The following CACNA1B variants were observed in gnomAD, a reference collection of about 807,000 sequenced individuals.
CACNA1B encodes calcium voltage-gated channel subunit alpha1 B.
CACNA1B carries 70 observed loss-of-function variants against 247.2 expected under a neutral mutation model. The observed-to-expected ratio is 0.28, with a 90% CI of 0.23 to 0.35. The LOEUF is 0.35. CACNA1B is among the 10% of genes least tolerant of loss of function. CACNA1B has a pLI of 1.00. For synonymous variants in CACNA1B, 1,231 were observed against 1,294.4 expected, an observed-to-expected ratio of 0.95 and a Z score of 1.05; for missense variants, 2,367 against 3,197.4, an observed-to-expected ratio of 0.74 and a Z score of 6.26.
At chr9:137,978,528 C>T (rs1447189723) in intron 12 of CACNA1B, among the ~76,000 whole-genome samples, 1 of 152,094 alleles carries the variant, frequency 6.6e-6, no homozygotes, top group Non-Finnish European at 1.5e-5. Flanking sequence ...GCACTGCCTC[C>T]TCAGGAAGGA....
Position 137,957,601 on chromosome 9 carries a change from T to C in CACNA1B, c.1247T>C (p.Leu416Pro). The part of the protein sequence containing the change: ...NAEEKSPLDV[L>P]KRAATKKSRN... ...TCCCATCCTTTGTTTAAAGCAGTGC[T>C]GAAGAGAGCGGCCACCAAGAAGAGC... Residue 416 changes from leucine (L) to proline (P), a missense_variant, in exon 10 of 47, where the codon CTG (leucine) becomes CCG (proline). Coordinates refer to ENST00000371372, the MANE Select transcript of CACNA1B (RefSeq NM_000718.4). The surrounding 1 kb of genome is among the most constrained non-coding windows in gnomAD (Gnocchi z 4.7). 6.3e-7 allele frequency: 1 copy of C among 1,590,218 alleles called. No individual in the cohort carries two copies. Among genetic ancestry groups the C allele is most frequent in the Non-Finnish European group, 8.6e-7 (1 of 1,168,758 alleles).
In CACNA1B at chr9:138,120,364, T is replaced by C. The variant is rs201487636; in HGVS notation, c.6230T>C (p.Met2077Thr). 1.6e-5 allele frequency: 25 copies of C among 1,552,156 alleles called. 1 individual carries two copies. The South Asian group carries it at 2.7e-4, about 17-fold the overall frequency. ...LEKGPSLSAD[M>T]DGAPSSAVGP... ...AAGGGGCCCAGCCTGTCTGCCGATA[T>C]GGATGGCGGTGCGTGCGGAGGGGCC... is the stretch of plus-strand genomic sequence containing the variant. The change falls in exon 45 of 47, where the codon ATG becomes ACG. Residue 2077 changes from methionine (M) to threonine (T), a missense_variant. This residue lies in a region of CACNA1B where 773 missense variants were observed against 779.4 expected (regional missense o/e 0.99). Coordinates refer to ENST00000371372, the MANE Select transcript of CACNA1B (RefSeq NM_000718.4).
chr9:137,938,860 G>A (rs1389836133), intron 6 of CACNA1B, among the ~76,000 whole-genome samples: 3 of 152,146 alleles, frequency 2.0e-5, no homozygotes, highest in African/African-American at 7.2e-5. Flanking sequence ...ATCACCTGAG[G>A]TCAGGAGCTT....
chr9:137,974,135 C>T lies in CACNA1B; in HGVS notation c.1544-1772C>T, dbSNP rs748003686. Among the ~76,000 whole-genome samples, 2 of 152,162 alleles carry T rather than the reference C, an allele frequency of 1.3e-5. No homozygotes were observed. The highest frequency in any genetic ancestry group is 1.5e-5 in the Non-Finnish European group (1 of 68,028). ...CTGCTTGTGTATTCCCCTGGGCTTG[C>T]TGGGGTGCTCTGCACTGGACTGCAG... On this transcript the variant is annotated intron_variant, in intron 11 of 46. Transcript: ENST00000371372. This position sits in a 1 kb window ranked among gnomAD's most constrained non-coding sequence, Gnocchi z 4.5.
Position 137,880,864 on chromosome 9 carries a change from C to G in CACNA1B, c.390+1705C>G, listed in dbSNP as rs575595005. ...TCTCCCAGCCTGGCCCTGGGCGAGG[C>G]CTCCCTGGTTCCCTGCCTCTCGGGG... On this transcript the variant is annotated intron_variant, in intron 2 of 46. Transcript: ENST00000371372. This position sits in a 1 kb window ranked among gnomAD's most constrained non-coding sequence, Gnocchi z 4.8. 2.6e-5 allele frequency among the ~76,000 whole-genome samples: 4 copies of G among 152,264 alleles called. No individual in the cohort carries two copies. The highest frequency in any genetic ancestry group is 5.9e-5 in the Non-Finnish European group (4 of 67,996).
At chr9:138,038,299 C>G (rs528559461) in intron 20 of CACNA1B, among the ~76,000 whole-genome samples, 1 of 152,288 alleles carries the variant, frequency 6.6e-6, no homozygotes, top group South Asian at 2.1e-4. Context: ...TGACAGTTAT[C>G]TGGTTTTCGT....
chr9:138,043,690 G>A (rs2133472366), intron 20 of CACNA1B, 84 bp from the exon 21 acceptor site: 1 of 1,524,956 alleles, frequency 6.6e-7, no homozygotes, highest in Non-Finnish European at 9.0e-7. Flanking sequence ...GCAAGTGCCG[G>A]GGGCATGGGA....
intron 16 of CACNA1B, 45 bp from the exon 17 acceptor site, chr9:138,009,965 G>A (rs746354717): frequency 1.3e-6 from 2 of 1,482,644 alleles, no homozygotes; most frequent in Non-Finnish European, 1.9e-6. Flanking sequence ...GTGTGACTGG[G>A]GCCATGTGGG....
rs1490793877 is a variant in CACNA1B at position 138,052,850 on chromosome 9, A to G, written c.3807+662A>G. 3.9e-5 allele frequency among the ~76,000 whole-genome samples: 6 copies of G among 152,190 alleles called. No homozygotes were observed. Among genetic ancestry groups the G allele is most frequent in the African/African-American group, 1.4e-4 (6 of 41,448 alleles). On this transcript the variant is annotated intron_variant, in intron 25 of 46. Transcript: ENST00000371372. This position sits in a 1 kb window ranked among gnomAD's most constrained non-coding sequence, Gnocchi z 5.1. ...AGGGAGGAGTGGCACCTGCCCTGGCACCGAGTGGCGCTGTGCAGTGGTCAT... is the reference window on the plus strand; with the variant it reads ...AGGGAGGAGTGGCACCTGCCCTGGCGCCGAGTGGCGCTGTGCAGTGGTCAT...
At chr9:138,078,781 G>A (rs1455318161) in intron 36 of CACNA1B, among the ~76,000 whole-genome samples, 1 of 152,330 alleles carries the variant, frequency 6.6e-6, no homozygotes, top group Admixed American at 6.5e-5. Flanking sequence ...ACAGTGGCCT[G>A]GAGAAAGGAG....
intron 15 of CACNA1B, among the ~76,000 whole-genome samples, chr9:138,006,018 GGATGACAGAGTAA>G (rs1365083598): frequency 1.4e-5 from 2 of 144,240 alleles, no homozygotes; most frequent in Non-Finnish European, 3.0e-5. Flanking sequence ...ACTCCAGCCT[GGATGACAGAGTAA>G]GACTCCATGT....
At chr9:137,908,621 A>C (rs554338223) in intron 3 of CACNA1B, among the ~76,000 whole-genome samples, 19 of 152,110 alleles carry the variant, frequency 1.2e-4, no homozygotes, top group African/African-American at 3.9e-4. Context: ...TGGCATATTA[A>C]ATTTTTAATT....
intron 41 of CACNA1B, 85 bp from the exon 42 acceptor site, chr9:138,115,467 C>A: frequency 7.0e-7 from 1 of 1,434,924 alleles, no homozygotes; most frequent in South Asian, 1.4e-5. Context: ...TGGCTTTTGC[C>A]CCATGCCACA....
chr9:137,984,102 T>TA lies in CACNA1B; in HGVS notation c.1657-35dup. 3 of 1,460,852 alleles carry TA rather than the reference T, an allele frequency of 2.1e-6. No homozygotes were observed. In the South Asian group the frequency reaches 3.6e-5, roughly 18 times the overall value. 90.5% of individuals were successfully genotyped at this position (1,460,852 alleles called of 1,614,324 possible). A position where few individuals can be genotyped will look rare whatever the true frequency, so the allele number is the denominator to read the frequency against. On this transcript the variant is annotated intron_variant, in intron 12 of 46. Transcript: ENST00000371372. ...ATCCATCTGCATGCACAGGTGCAGA[T>TA]ACGGTGCACCCAAGGCTAATGCCAT...
At chr9:138,024,917 C>G (rs1398848203) in intron 19 of CACNA1B, 38 bp from the exon 20 acceptor site, 1 of 1,426,178 alleles carries the variant, frequency 7.0e-7, no homozygotes, top group Admixed American at 2.0e-5. Context: ...CAGGTGTGAG[C>G]CACTGCGCCG....
At position 138,123,699 on chromosome 9, in the gene CACNA1B, G is replaced by A. The variant is rs1962177977; in HGVS notation, c.*1700G>A. The A allele has an allele frequency of 6.6e-6, 1 of 152,122 alleles. No individual in the cohort carries two copies. The highest frequency in any genetic ancestry group is 2.4e-5 in the African/African-American group (1 of 41,408). The allele number at this position is 152,122 out of a possible 1,614,324, so 9.4% of individuals were successfully genotyped here. The stretch of plus-strand genomic sequence containing the variant: ...CATTTAATAGAAGTAAAACACACAA[G>A]ACCGCTGCCTGGTCTCGGGGTTCAG... On this transcript the variant is annotated 3_prime_UTR_variant, in exon 47 of 47. Transcript: ENST00000371372.
At position 138,102,082 on chromosome 9, in the gene CACNA1B, T is replaced by C. The variant is rs1452439909; in HGVS notation, c.5223-629T>C. On this transcript the variant is annotated intron_variant, in intron 37 of 46. Transcript: ENST00000371372. This position sits in a 1 kb window ranked among gnomAD's most constrained non-coding sequence, Gnocchi z 5.4. ...CCCCAGCAGCAGCCCTGCCCTGGGC[T>C]GGCCTCGGGCGTCTCTGGGCTTGAA... 6.6e-6 allele frequency among the ~76,000 whole-genome samples: 1 copy of C among 152,208 alleles called. No homozygotes were observed. The highest frequency in any genetic ancestry group is 1.5e-5 in the Non-Finnish European group (1 of 68,034).
rs987813491 is a variant in CACNA1B at position 138,011,549 on chromosome 9, A to G, written c.2160+1472A>G. Among the ~76,000 whole-genome samples, 5 of 152,180 alleles carry G rather than the reference A, an allele frequency of 3.3e-5. No individual in the cohort carries two copies. The highest frequency in any genetic ancestry group is 2.1e-4 in the South Asian group (1 of 4,830). On this transcript the variant is annotated intron_variant, in intron 17 of 46. Coordinates refer to ENST00000371372, the MANE Select transcript of CACNA1B (RefSeq NM_000718.4). This position sits in a 1 kb window ranked among gnomAD's most constrained non-coding sequence, Gnocchi z 4.2. ...ATTCCCACAAAAGCATTACAGCACTATGTACCTTTTGAAGCGAGGATAAAC... is the reference window on the plus strand; with the variant it reads ...ATTCCCACAAAAGCATTACAGCACTGTGTACCTTTTGAAGCGAGGATAAAC...
chr9:137,923,281 T>C lies in CACNA1B; in HGVS notation c.966+5850T>C, dbSNP rs1250757398. ...CGTGGTGCCAGGTGGTATTCCATGG[T>C]GCCAGGTGGTATTCCATGGTGCCAG... On this transcript the variant is annotated intron_variant, in intron 6 of 46. Coordinates refer to ENST00000371372, the MANE Select transcript of CACNA1B (RefSeq NM_000718.4). 6.7e-3 allele frequency among the ~76,000 whole-genome samples: 973 copies of C among 144,740 alleles called. 34 individuals carry two copies. The highest frequency in any genetic ancestry group is 0.025 in the African/African-American group (929 of 37,644). The allele number at this position is 144,740 out of a possible 152,430, so 95.0% of individuals were successfully genotyped here.
Sources: gnomAD v4.1 joint callset for allele counts (sites outside exome capture counted in the v4.1 genomes callset) on GRCh38, gnomAD v4.1.1 for gene constraint, gnomAD v4.1.1 regional missense constraint, Gnocchi (gnomAD v3.1) non-coding constraint, MANE v1.5 for transcripts, NCBI Gene and HGNC (gene_info 2026-07-23, HGNC 2026-07-21) for gene names.